OTOGL: variants seen among roughly 807,000 people sequenced by gnomAD.
OTOGL encodes otogelin like, also known as otogelin-like protein.
OTOGL carries 285 observed loss-of-function variants against 318.5 expected under a neutral mutation model. The observed-to-expected ratio is 0.89, with a 90% CI of 0.81 to 0.99. The LOEUF (loss-of-function observed/expected upper bound fraction) is 0.99. OTOGL is among the 50% of genes least tolerant of loss of function. OTOGL has a pLI of 0.00. For missense variants in OTOGL, 2,899 were observed against 2,845.6 expected (o/e 1.02, Z -0.43); for synonymous variants, 987 against 936.5 (o/e 1.05, Z -0.99).
chr12:80,142,730 T>A (rs1276328699), intron 1 of OTOGL, among the ~76,000 whole-genome samples: 1 of 151,960 alleles, frequency 6.6e-6, no homozygotes, highest in Non-Finnish European at 1.5e-5. Context: ...TTGCATTAGA[T>A]AGTCTTAGGA....
chr12:80,254,424 A>G (rs1881842141), intron 14 of OTOGL, 100 bp from the exon 15 acceptor site: 1 of 753,460 alleles, frequency 1.3e-6, no homozygotes, highest in African/African-American at 1.8e-5. Context: ...TTCTGAACCT[A>G]TAAACATGAT....
intron 1 of OTOGL, among the ~76,000 whole-genome samples, chr12:80,181,646 G>A (rs1261368413): frequency 6.8e-6 from 1 of 148,022 alleles, no homozygotes; most frequent in African/African-American, 2.6e-5. Context: ...TTTTTTGGCT[G>A]TAAAGTCATA....
chr12:80,229,438 A>G, intron 8 of OTOGL, 60 bp downstream of exon 8: 1 of 1,518,772 alleles, frequency 6.6e-7, no homozygotes, highest in Non-Finnish European at 9.0e-7. Context: ...ATTTCCAAAC[A>G]TCACATGCTG....
chr12:80,225,680 T>C (rs1477827570), intron 7 of OTOGL, among the ~76,000 whole-genome samples: 1 of 152,122 alleles, frequency 6.6e-6, no homozygotes, highest in Non-Finnish European at 1.5e-5. Context: ...TCAATTAATA[T>C]TATGTCTTCA....
intron 26 of OTOGL, among the ~76,000 whole-genome samples, chr12:80,292,159 T>G (rs1466263481): frequency 6.6e-6 from 1 of 152,118 alleles, no homozygotes; most frequent in Non-Finnish European, 1.5e-5. Flanking sequence ...TGGCTAATTT[T>G]GTATTTTTAG....
chr12:80,100,433 T>C (rs1202280298), intron 1 of OTOGL, among the ~76,000 whole-genome samples: 1 of 152,146 alleles, frequency 6.6e-6, no homozygotes, highest in Non-Finnish European at 1.5e-5. Context: ...ATATCATATG[T>C]ACCCCATAAA....
At chr12:80,130,220 G>T (rs1412276724) in intron 1 of OTOGL, among the ~76,000 whole-genome samples, 1 of 152,126 alleles carries the variant, frequency 6.6e-6, no homozygotes, top group African/African-American at 2.4e-5. Context: ...TTTGGAAGAG[G>T]CTGGATTCAA....
chr12:80,262,229 A>T, intron 19 of OTOGL, 136 bp downstream of exon 19: 5 of 872,568 alleles, frequency 5.7e-6, no homozygotes, highest in Non-Finnish European at 7.6e-6. Context: ...TTCCTCGTGT[A>T]TTTTTTTTTT....
intron 21 of OTOGL, 54 bp downstream of exon 21, chr12:80,266,670 A>C: frequency 6.6e-7 from 1 of 1,517,870 alleles, no homozygotes; most frequent in Non-Finnish European, 9.0e-7. Flanking sequence ...TTTTCTCCTT[A>C]CGGGCTAAAT....
intron 44 of OTOGL, among the ~76,000 whole-genome samples, chr12:80,342,369 G>A (rs1424363208): frequency 1.3e-5 from 2 of 152,016 alleles, no homozygotes; most frequent in Non-Finnish European, 2.9e-5. Flanking sequence ...TTTATGCTTC[G>A]TTAGAATTAT....
intron 1 of OTOGL, among the ~76,000 whole-genome samples, chr12:80,147,662 G>A (rs938217323): frequency 3.3e-5 from 5 of 152,070 alleles, no homozygotes; most frequent in Non-Finnish European, 7.4e-5. Context: ...GGGTGTTAAA[G>A]TCTCCCATTG....
At position 80,232,973 on chromosome 12, in the gene OTOGL, T is replaced by C; in HGVS notation, c.693T>C (p.Phe231=). ...DYILVKTTFG[F]SLAWDGISGI... ...TTCTTGTGAAAACAACCTTTGGCTT[T>C]TCATTGGCTTGGGACGGGATATCTG... The change falls in exon 9 of 59, where the codon TTT becomes TTC. Residue 231 remains phenylalanine (F), a synonymous_variant. Coordinates refer to ENST00000547103, the MANE Select transcript of OTOGL (RefSeq NM_001378609.3). The C allele has an allele frequency of 1.9e-6, 3 of 1,599,158 alleles. No homozygotes were observed. Among genetic ancestry groups the C allele is most frequent in the Non-Finnish European group, 2.5e-6 (3 of 1,179,452 alleles).
chr12:80,110,261 G>T (rs946700809), intron 1 of OTOGL, among the ~76,000 whole-genome samples: 2 of 152,028 alleles, frequency 1.3e-5, no homozygotes, highest in African/African-American at 4.8e-5. Context: ...TCGAGATGGG[G>T]TTTCACCGTG....
chr12:80,146,121 TC>T (rs1872338368), intron 1 of OTOGL, among the ~76,000 whole-genome samples: 2 of 150,294 alleles, frequency 1.3e-5, no homozygotes, highest in Admixed American at 1.3e-4. Context: ...AGAGAGGGCA[TC>T]CCTGTCTTGT....
At chr12:80,278,301 A>C in intron 25 of OTOGL, 26 bp downstream of exon 25, 1 of 1,433,586 alleles carries the variant, frequency 7.0e-7, no homozygotes, top group Non-Finnish European at 9.6e-7. Flanking sequence ...TATTTCACAA[A>C]TATTTTCCTA....
In OTOGL at chr12:80,265,137, T is replaced by A. The variant is rs779562525; in HGVS notation, c.2151T>A (p.Ala717=). 5 of 1,613,772 alleles carry A rather than the reference T, an allele frequency of 3.1e-6. No homozygotes were observed. Among genetic ancestry groups the A allele is most frequent in the Non-Finnish European group, 4.2e-6 (5 of 1,179,870 alleles). ...CKCGSSCLCN[A]LAHYAYLCGQ... is the part of the protein sequence containing the mutation. ...GTGGAAGCTCCTGCCTGTGCAATGCTCTTGCCCACTATGCCTACCTCTGCG... is the reference window on the plus strand; with the variant it reads ...GTGGAAGCTCCTGCCTGTGCAATGCACTTGCCCACTATGCCTACCTCTGCG... Residue 717 remains alanine, a synonymous_variant, in exon 20 of 59, where the codon GCT becomes GCA. Coordinates refer to ENST00000547103, the MANE Select transcript of OTOGL (RefSeq NM_001378609.3).
At chr12:80,276,449 G>T (rs1883815973) in intron 24 of OTOGL, among the ~76,000 whole-genome samples, 1 of 151,658 alleles carries the variant, frequency 6.6e-6, no homozygotes, top group Non-Finnish European at 1.5e-5. Flanking sequence ...TATAGTTATT[G>T]TCACTATAAG....
In OTOGL at chr12:80,251,771, A is replaced by T. The variant is rs758567698; in HGVS notation, c.1131A>T (p.Gln377His). Residue 377 changes from glutamine to histidine, a missense_variant, in exon 12 of 59, where the codon CAA becomes CAT. Gln to His is a conservative substitution (Grantham distance 24). Transcript: ENST00000547103. ...RACSHAGYPI[Q>H]DWRDDFPACT... ...GCTCTCATGCTGGCTACCCTATTCAAGACTGGAGAGATGACTTTCCAGCAT... is the reference window on the plus strand; with the variant it reads ...GCTCTCATGCTGGCTACCCTATTCATGACTGGAGAGATGACTTTCCAGCAT... 7 of 1,586,068 alleles carry T rather than the reference A, an allele frequency of 4.4e-6. No homozygotes were observed. In the African/African-American group the frequency reaches 8.0e-5, roughly 18 times the overall value.
chr12:80,129,517 C>G (rs1489048029), intron 1 of OTOGL, among the ~76,000 whole-genome samples: 1 of 152,178 alleles, frequency 6.6e-6, no homozygotes, highest in Admixed American at 6.5e-5. Context: ...TCAACTAATA[C>G]TACTAAGAAG....
Sources: allele counts gnomAD v4.1 joint callset (sites outside exome capture counted in the v4.1 genomes callset), GRCh38; gene constraint gnomAD v4.1.1; transcripts MANE v1.5; gene names NCBI Gene and HGNC (gene_info 2026-07-23, HGNC 2026-07-21).